The following PRR27 variants were observed in gnomAD, a reference collection of about 807,000 sequenced individuals.
The protein encoded by PRR27 is proline rich 27, also known as proline-rich protein 27.
A neutral mutation model predicts 16.8 loss-of-function variants in PRR27; 12 were observed. The ratio of observed to expected loss-of-function variants is 0.71; its 90% CI spans 0.46 to 1.16. The LOEUF (loss-of-function observed/expected upper bound fraction) is 1.16. PRR27 is among the 50% of genes most tolerant of loss of function. The pLI is 0.00. For synonymous variants in PRR27, 100 were observed against 98.4 expected, an observed-to-expected ratio of 1.02 and a Z score of -0.10; for missense variants, 277 against 273.3, an observed-to-expected ratio of 1.01 and a Z score of -0.10.
At chr4:70,155,368 T>TG (rs1311576395) in intron 1 of PRR27, among the ~76,000 whole-genome samples, 7 of 147,542 alleles carry the variant, frequency 4.7e-5, no homozygotes, top group African/African-American at 1.1e-4. Context: ...TGTATGTTTG[T>TG]GGTTTTTTTT....
rs371303125 is a variant in PRR27, at chr4:70,161,156, G to GTA, written c.649-407_649-406dup. On this transcript the variant is annotated intron_variant, in intron 3 of 4. Coordinates refer to ENST00000344526, the MANE Select transcript of PRR27 (RefSeq NM_214711.4). ...CATCTGCTGGGGTATTATGAACACT[G>GTA]TATATATATATATATATATATATAC... is the stretch of plus-strand genomic sequence containing the variant. Among the ~76,000 whole-genome samples the GTA allele has an allele frequency of 7.2e-3, 675 of 93,884 alleles. 18 individuals are homozygous for GTA. Among genetic ancestry groups the GTA allele is most frequent in the South Asian group, 0.037 (98 of 2,662 alleles). 61.6% of individuals were successfully genotyped at this position (93,884 alleles called of 152,430 possible). A position where few individuals can be genotyped will look rare whatever the true frequency, so the allele number is the denominator to read the frequency against.
At chr4:70,161,862 C>T (rs369395515) in intron 4 of PRR27, among the ~76,000 whole-genome samples, 1 of 151,990 alleles carries the variant, frequency 6.6e-6, no homozygotes, top group South Asian at 2.1e-4. Flanking sequence ...TTAAATTGAT[C>T]CAAATTGATT....
At chr4:70,154,521 G>A in intron 1 of PRR27, 95 bp downstream of exon 1, 2 of 1,051,210 alleles carry the variant, frequency 1.9e-6, no homozygotes, top group Non-Finnish European at 2.9e-6. Flanking sequence ...TATAGTGTTT[G>A]TAATAAAGCA....
chr4:70,160,581 G>A (rs1240278255), intron 3 of PRR27, among the ~76,000 whole-genome samples: 1 of 151,724 alleles, frequency 6.6e-6, no homozygotes, highest in Non-Finnish European at 1.5e-5. Flanking sequence ...ATTTTACACA[G>A]CCTGATATTT....
chr4:70,157,447 T>C (rs556299694), intron 2 of PRR27, among the ~76,000 whole-genome samples: 1 of 150,042 alleles, frequency 6.7e-6, no homozygotes, highest in East Asian at 1.9e-4. Flanking sequence ...TATTATTATA[T>C]ATAATAATAA....
intron 2 of PRR27, 137 bp from the exon 3 acceptor site, chr4:70,158,191 C>T (rs897481541): frequency 1.6e-6 from 1 of 629,836 alleles, no homozygotes; most frequent in Non-Finnish European, 2.8e-6. Flanking sequence ...TATGGAAGTA[C>T]ACTAGACTTA....
intron 1 of PRR27, among the ~76,000 whole-genome samples, chr4:70,155,278 T>G (rs1249609182): frequency 1.3e-5 from 2 of 152,132 alleles, no homozygotes; most frequent in East Asian, 3.8e-4. Flanking sequence ...CAAACCATAT[T>G]GAAGCTTCAT....
Position 70,165,164 on chromosome 4 carries a change from G to C in PRR27, c.*2503G>C, listed in dbSNP as rs1446298050. ...AAAACAAACTGTTGTTAGTAAACAGGCATCAGCTTTGAGACACAGAAAAGT... is the reference window on the plus strand; with the variant it reads ...AAAACAAACTGTTGTTAGTAAACAGCCATCAGCTTTGAGACACAGAAAAGT... On this transcript the variant is annotated 3_prime_UTR_variant, in exon 5 of 5. Coordinates refer to ENST00000344526, the MANE Select transcript of PRR27 (RefSeq NM_214711.4). 2.0e-5 allele frequency: 3 copies of C among 152,070 alleles called. No individual in the cohort carries two copies. Among genetic ancestry groups the C allele is most frequent in the Non-Finnish European group, 4.4e-5 (3 of 67,952 alleles). The allele number at this position is 152,070 out of a possible 1,614,324, so 9.4% of individuals were successfully genotyped here.
intron 3 of PRR27, among the ~76,000 whole-genome samples, chr4:70,160,451 G>GTGTGTGTGTGTGTT (rs1728621098): frequency 8.3e-6 from 1 of 121,142 alleles, no homozygotes; most frequent in Admixed American, 8.0e-5. Flanking sequence ...CTCTGTGTGT[G>GTGTGTGTGTGTGTT]TGTGTGTGTG....
rs759851033 is a variant in PRR27, at chr4:70,158,870, A to G, written c.618A>G (p.Pro206=). The G allele has an allele frequency of 1.9e-6, 3 of 1,613,892 alleles. No homozygotes were observed. Among genetic ancestry groups the G allele is most frequent in the African/African-American group, 1.3e-5 (1 of 75,008 alleles). The change falls in exon 3 of 5, where the codon CCA becomes CCG. Residue 206 remains proline, a synonymous_variant. Transcript: ENST00000344526. ...CTGCTACAGCCAAGCCTGCTGCCCC[A>G]GAACCTCACCCTTCTCCCTCTCTTG... ...AEPATAKPAA[P]EPHPSPSLEQ... is the part of the protein sequence containing the mutation.
chr4:70,160,463 G>GTGTGTGTGTT (rs1461277360), intron 3 of PRR27, among the ~76,000 whole-genome samples: 2 of 150,350 alleles, frequency 1.3e-5, no homozygotes, highest in Non-Finnish European at 3.0e-5. Context: ...GTGTGTGTGT[G>GTGTGTGTGTT]TGTGTGTGTG....
At position 70,158,523 on chromosome 4, in the gene PRR27, C is replaced by T. The variant is rs1613461; in HGVS notation, c.271C>T (p.Arg91Cys). ...SPGFPYVYHI[R>C]GFPLATQLNV... Reference sequence around the variant, plus strand: ...TGGATTCCCCTATGTCTATCACATCCGTGGTTTTCCCTTAGCTACTCAGTT... The same window carrying T: ...TGGATTCCCCTATGTCTATCACATCTGTGGTTTTCCCTTAGCTACTCAGTT... The change falls in exon 3 of 5, where the codon CGT becomes TGT. Residue 91 changes from arginine (R) to cysteine (C), a missense_variant. Physicochemically the swap from Arg to Cys is radical, Grantham distance 180 (BLOSUM62 -3). Transcript: ENST00000344526. The T allele has an allele frequency of 0.023, 36,993 of 1,614,112 alleles. 925 individuals are homozygous for T. Among genetic ancestry groups the T allele is most frequent in the South Asian group, 0.095 (8,653 of 91,084 alleles).
intron 3 of PRR27, among the ~76,000 whole-genome samples, chr4:70,160,131 GA>G (rs1728606818): frequency 6.6e-6 from 1 of 152,088 alleles, no homozygotes; most frequent in Non-Finnish European, 1.5e-5. Context: ...TTAGAGAATG[GA>G]TCCCTTCTCC....
Position 70,165,870 on chromosome 4 carries a change from C to T in PRR27, c.*3209C>T, listed in dbSNP as rs926269527. 1 of 152,128 alleles carries T rather than the reference C, an allele frequency of 6.6e-6. No individual in the cohort carries two copies. The highest frequency in any genetic ancestry group is 2.4e-5 in the African/African-American group (1 of 41,448). 9.4% of individuals were successfully genotyped at this position (152,128 alleles called of 1,614,324 possible). On this transcript the variant is annotated 3_prime_UTR_variant, in exon 5 of 5. Coordinates refer to ENST00000344526, the MANE Select transcript of PRR27 (RefSeq NM_214711.4). ...GGTATCAACTGCAACAACCACTATA[C>T]TTCTCCAGTGATTGCCAGATGGCCC...
In PRR27 at chr4:70,154,418, G is replaced by A. The variant is rs1728430771; in HGVS notation, c.43G>A (p.Ala15Thr). The change falls in exon 1 of 5, where the codon GCA becomes ACA. Residue 15 changes from alanine (A) to threonine (T), a missense_variant. Transcript: ENST00000344526. ...LWACIVCVAF[A>T]RKRRFPFIGE... ...GGCCTGCATTGTATGTGTTGCTTTT[G>A]CAAGGAAGGTAAGTAAATGGACTTC... 6.2e-7 allele frequency: 1 copy of A among 1,612,348 alleles called. No homozygotes were observed. The highest frequency in any genetic ancestry group is 8.5e-7 in the Non-Finnish European group (1 of 1,178,714).
chr4:70,161,179 TACACAC>T (rs1553902907), intron 3 of PRR27, among the ~76,000 whole-genome samples: 11 of 107,626 alleles, frequency 1.0e-4, no homozygotes, highest in South Asian at 2.9e-4. Flanking sequence ...TATATATATA[TACACAC>T]ATACATATAT....
intron 1 of PRR27, chr4:70,154,627 G>A: frequency 2.3e-6 from 2 of 864,756 alleles, no homozygotes; most frequent in South Asian, 3.0e-5. Flanking sequence ...TCTGAAAATA[G>A]ATAAACAGCA....
In PRR27 at chr4:70,162,835, A is replaced by G. The variant is rs1446479098; in HGVS notation, c.*174A>G. On this transcript the variant is annotated 3_prime_UTR_variant, in exon 5 of 5. Transcript: ENST00000344526. The stretch of plus-strand genomic sequence containing the variant: ...TTTCCTTGGACTTAATTTATATTGA[A>G]AAAACATTGATAATTAAATAAATAA... 1 of 152,174 alleles carries G rather than the reference A, an allele frequency of 6.6e-6. No individual in the cohort carries two copies. Among genetic ancestry groups the G allele is most frequent in the Non-Finnish European group, 1.5e-5 (1 of 68,026 alleles). The allele number at this position is 152,174 out of a possible 1,614,324, so 9.4% of individuals were successfully genotyped here. A position where few individuals can be genotyped will look rare whatever the true frequency, so the allele number is the denominator to read the frequency against.
In PRR27 at chr4:70,162,898, G is replaced by A. The variant is rs1056820961; in HGVS notation, c.*237G>A. ...AGACCAATGGTGATAAGGTCTGGAT[G>A]AAAACTACGCTATGGAGGACTGAAA... On this transcript the variant is annotated 3_prime_UTR_variant, in exon 5 of 5. Transcript: ENST00000344526. The A allele has an allele frequency of 6.6e-6, 1 of 152,174 alleles. No individual in the cohort carries two copies. Among genetic ancestry groups the A allele is most frequent in the Non-Finnish European group, 1.5e-5 (1 of 68,024 alleles). 9.4% of individuals were successfully genotyped at this position (152,174 alleles called of 1,614,324 possible).
Sources: allele counts gnomAD v4.1 joint callset (sites outside exome capture counted in the v4.1 genomes callset), GRCh38; gene constraint gnomAD v4.1.1; transcripts MANE v1.5; gene names NCBI Gene and HGNC (gene_info 2026-07-23, HGNC 2026-07-21).